HEATR4: variants seen among roughly 807,000 people sequenced by gnomAD.
HEATR4 encodes the protein HEAT repeat containing 4.
In HEATR4, 95 loss-of-function variants were observed where a neutral mutation model predicts 108.8. The ratio of observed to expected loss-of-function variants is 0.87; its 90% CI spans 0.74 to 1.04. The LOEUF is 1.04. HEATR4 is among the 50% of genes least tolerant of loss of function. The pLI is 0.00. For synonymous variants in HEATR4, 443 were observed against 459.4 expected (o/e 0.96, Z 0.46); for missense variants, 1,152 against 1,253.8 (o/e 0.92, Z 1.23).
the HEATR4 span, among the ~76,000 whole-genome samples, chr14:73,576,013 C>T: frequency 1.3e-5 from 2 of 151,856 alleles, no homozygotes; most frequent in Non-Finnish European, 2.9e-5. Flanking sequence ...ATTAGCCAGG[C>T]GTGGTGGCAG....
chr14:73,590,985 T>A, the HEATR4 span, among the ~76,000 whole-genome samples: 6,846 of 152,318 alleles, frequency 0.045, 232 homozygotes, highest in Non-Finnish European at 0.071. Context: ...TGCTGTCACG[T>A]ATCACTAGCA....
At chr14:73,573,352 A>G in the HEATR4 span, 2 of 1,612,850 alleles carry the variant, frequency 1.2e-6, no homozygotes. Flanking sequence ...TTTCAGGAAT[A>G]GCTTAGTTTT....
chr14:73,580,345 G>A, the HEATR4 span, among the ~76,000 whole-genome samples: 23 of 152,082 alleles, frequency 1.5e-4, no homozygotes, highest in African/African-American at 5.1e-4. Flanking sequence ...GGCTGGTCTC[G>A]AACTCCTGGC....
At chr14:73,504,939 GT>G (rs879779823) in intron 10 of HEATR4, among the ~76,000 whole-genome samples, 31 of 145,720 alleles carry the variant, frequency 2.1e-4, no homozygotes, top group Non-Finnish European at 2.3e-4. Flanking sequence ...CAGTTGGTTT[GT>G]TTTTTTTTTT....
chr14:73,569,263 C>T, the HEATR4 span: 2 of 1,613,862 alleles, frequency 1.2e-6, no homozygotes, highest in East Asian at 4.5e-5. Context: ...CTTCTTTCTC[C>T]CCACCCCCAT....
the HEATR4 span, among the ~76,000 whole-genome samples, chr14:73,566,749 C>T: frequency 6.6e-6 from 1 of 151,826 alleles, no homozygotes; most frequent in African/African-American, 2.4e-5. Context: ...AGGGAGACGG[C>T]TCCGGCCTTG....
At chr14:73,577,577 A>G in the HEATR4 span, among the ~76,000 whole-genome samples, 1 of 149,986 alleles carries the variant, frequency 6.7e-6, no homozygotes, top group Non-Finnish European at 1.5e-5. Context: ...TATATAGTAT[A>G]TGACTCTCTT....
the HEATR4 span, among the ~76,000 whole-genome samples, chr14:73,568,390 C>T: frequency 1.3e-5 from 2 of 151,050 alleles, no homozygotes; most frequent in African/African-American, 2.4e-5. Context: ...AAACCAATAG[C>T]TTACGAAAAA....
At chr14:73,566,152 T>C in the HEATR4 span, among the ~76,000 whole-genome samples, 3 of 152,062 alleles carry the variant, frequency 2.0e-5, no homozygotes, top group Admixed American at 6.6e-5. Context: ...AGGGTGCTGA[T>C]TGGTGTGTTT....
At chr14:73,600,689 G>A in the HEATR4 span, among the ~76,000 whole-genome samples, 1 of 151,800 alleles carries the variant, frequency 6.6e-6, no homozygotes, top group African/African-American at 2.4e-5. Context: ...GACCTCAGGT[G>A]ATCCACCTGC....
the HEATR4 span, chr14:73,569,970 G>GC: frequency 0.28 from 401,533 of 1,458,214 alleles, 58,110 homozygotes; most frequent in Admixed American, 0.31. Context: ...TTATGTGTAT[G>GC]CCCCCCCGCC....
At chr14:73,587,689 T>C in the HEATR4 span, among the ~76,000 whole-genome samples, 1 of 152,142 alleles carries the variant, frequency 6.6e-6, no homozygotes, top group Non-Finnish European at 1.5e-5. Flanking sequence ...TCAATACTTA[T>C]TACTATTCTG....
At chr14:73,518,437 A>G (rs1301646342) in intron 5 of HEATR4, among the ~76,000 whole-genome samples, 1 of 151,810 alleles carries the variant, frequency 6.6e-6, no homozygotes, top group Non-Finnish European at 1.5e-5. Context: ...GGAATGGGTG[A>G]CAACTGCTGT....
At chr14:73,523,263 G>A in intron 2 of HEATR4, 39 bp from the exon 3 acceptor site, 2 of 1,112,822 alleles carry the variant, frequency 1.8e-6, no homozygotes, top group Non-Finnish European at 2.5e-6. Flanking sequence ...GAACTCTAGA[G>A]CAGCAGAAAT....
At chr14:73,575,877 C>T in the HEATR4 span, among the ~76,000 whole-genome samples, 8 of 152,074 alleles carry the variant, frequency 5.3e-5, no homozygotes, top group African/African-American at 1.9e-4. Context: ...GTGAGCCAGG[C>T]GTGGTGGCTC....
the HEATR4 span, among the ~76,000 whole-genome samples, chr14:73,591,541 CA>C: frequency 1.1e-3 from 159 of 139,596 alleles, no homozygotes; most frequent in South Asian, 1.8e-3. Context: ...GACTCTGTTT[CA>C]AAAAAAAAAA....
At chr14:73,560,179 C>T (rs1889497431), upstream of HEATR4, among the ~76,000 whole-genome samples, 1 of 152,102 alleles carries the variant, frequency 6.6e-6, no homozygotes, top group South Asian at 2.1e-4. Context: ...ATCCTGACAG[C>T]AGGAAAGATT....
At chr14:73,604,182 T>TTTTTTTTGTTG in the HEATR4 span, among the ~76,000 whole-genome samples, 1 of 131,494 alleles carries the variant, frequency 7.6e-6, no homozygotes, top group African/African-American at 3.3e-5. Context: ...TTTTTTTTTT[T>TTTTTTTTGTTG]GAGATGGAGT....
chr14:73,617,166 G>A, the HEATR4 span: 32 of 1,614,056 alleles, frequency 2.0e-5, no homozygotes, highest in Non-Finnish European at 2.3e-5. Context: ...TGAAGAAGCC[G>A]TGGACTTTAT....
Sources: allele counts gnomAD v4.1 joint callset (sites outside exome capture counted in the v4.1 genomes callset), GRCh38; gene constraint gnomAD v4.1.1; transcripts MANE v1.5; gene names NCBI Gene and HGNC (gene_info 2026-07-23, HGNC 2026-07-21).